SLC25A33: variants seen among roughly 807,000 people sequenced by gnomAD.
The protein encoded by SLC25A33 is solute carrier family 25 member 33.
Under a neutral mutation model 35.5 loss-of-function variants are expected in SLC25A33, and 15 were observed. The observed-to-expected ratio is 0.42, with a 90% CI of 0.28 to 0.65. The LOEUF is 0.65. Among genes scored for constraint, SLC25A33 ranks in the 30% least tolerant of loss-of-function variants. SLC25A33 has a pLI of 0.20. For missense variants in SLC25A33, 257 were observed against 398.5 expected (o/e 0.64, Z 3.02); for synonymous variants, 136 against 148.7 (o/e 0.91, Z 0.62).
chr1:9,548,268 A>G (rs1331134671), intron 1 of SLC25A33, among the ~76,000 whole-genome samples: 1 of 152,216 alleles, frequency 6.6e-6, no homozygotes, highest in Non-Finnish European at 1.5e-5. Flanking sequence ...TATACAGACT[A>G]TAAGACCTAT....
chr1:9,560,423 G>A (rs1430104039), intron 2 of SLC25A33, among the ~76,000 whole-genome samples: 1 of 151,374 alleles, frequency 6.6e-6, no homozygotes, highest in Non-Finnish European at 1.5e-5. Context: ...AATTAGCCAG[G>A]TGTGGCGGTG....
chr1:9,540,600 C>T (rs1643065274), intron 1 of SLC25A33, among the ~76,000 whole-genome samples: 1 of 151,976 alleles, frequency 6.6e-6, no homozygotes, highest in Non-Finnish European at 1.5e-5. Context: ...TTATCACAGC[C>T]GGTGGCTTGG....
intron 1 of SLC25A33, among the ~76,000 whole-genome samples, chr1:9,548,293 T>A (rs1465133490): frequency 6.6e-6 from 1 of 152,150 alleles, no homozygotes; most frequent in Admixed American, 6.6e-5. Flanking sequence ...AAAATAGAAA[T>A]TAAATGGGCT....
intron 1 of SLC25A33, 59 bp downstream of exon 1, chr1:9,539,806 C>T (rs1569833334): frequency 3.1e-6 from 4 of 1,273,420 alleles, no homozygotes; most frequent in East Asian, 3.3e-5. Flanking sequence ...CGGCCTTCGC[C>T]CCGGGCGCGG....
intron 2 of SLC25A33, among the ~76,000 whole-genome samples, chr1:9,564,765 T>TATATATATATATATATATACACAC (rs59741987): frequency 8.7e-6 from 1 of 114,842 alleles, no homozygotes; most frequent in South Asian, 3.1e-4. Flanking sequence ...TATATATATA[T>TATATATATATATATATATACACAC]ACACAAAAAT....
At chr1:9,562,248 T>A (rs922367438) in intron 2 of SLC25A33, among the ~76,000 whole-genome samples, 2 of 148,190 alleles carry the variant, frequency 1.3e-5, no homozygotes, top group African/African-American at 5.0e-5. Context: ...TCCAGGAGGC[T>A]GAGGAAGGAG....
intron 5 of SLC25A33, among the ~76,000 whole-genome samples, chr1:9,579,240 G>C (rs910281018): frequency 1.3e-5 from 2 of 152,156 alleles, no homozygotes; most frequent in Non-Finnish European, 2.9e-5. Flanking sequence ...CACCAGCTGG[G>C]TGTCCTCTCA....
rs569184884 is a variant in SLC25A33, at chr1:9,583,217, C to CAAAAAAA, written c.*723_*729dup. The CAAAAAAA allele has an allele frequency of 4.2e-5, 6 of 141,956 alleles. No individual in the cohort carries two copies. The highest frequency in any genetic ancestry group is 1.5e-4 in the African/African-American group (6 of 38,744). 8.8% of individuals were successfully genotyped at this position (141,956 alleles called of 1,614,324 possible). Reference sequence around the variant, plus strand: ...TGGTCGACAGAGTGAGACTCCATCTCAAAAAAAAAAAAATTGTGTCACATT... The same window carrying CAAAAAAA: ...TGGTCGACAGAGTGAGACTCCATCTCAAAAAAAAAAAAAAAAAAAATTGTGTCACATT... On this transcript the variant is annotated 3_prime_UTR_variant, in exon 7 of 7. Transcript: ENST00000302692.
intron 4 of SLC25A33, among the ~76,000 whole-genome samples, chr1:9,572,963 A>G (rs1643611975): frequency 6.6e-6 from 1 of 152,172 alleles, no homozygotes; most frequent in South Asian, 2.1e-4. Context: ...AATGGTTATC[A>G]TATAACCAAA....
At chr1:9,560,502 T>C (rs1317455762) in intron 2 of SLC25A33, among the ~76,000 whole-genome samples, 1 of 152,010 alleles carries the variant, frequency 6.6e-6, no homozygotes, top group East Asian at 1.9e-4. Flanking sequence ...AGGCGGAGGT[T>C]GCAGTGAGCC....
At chr1:9,551,267 G>C (rs1331208459) in intron 1 of SLC25A33, among the ~76,000 whole-genome samples, 1 of 152,078 alleles carries the variant, frequency 6.6e-6, no homozygotes, top group East Asian at 1.9e-4. Context: ...CAACTACTCA[G>C]GAGGCTGAGG....
At chr1:9,573,965 T>G (rs1643626162) in intron 5 of SLC25A33, among the ~76,000 whole-genome samples, 1 of 152,112 alleles carries the variant, frequency 6.6e-6, no homozygotes, top group South Asian at 2.1e-4. Flanking sequence ...TTTTGAGTTT[T>G]TTTGTTTTTT....
Position 9,567,374 on chromosome 1 carries a change from C to G in SLC25A33, c.314+13C>G. 6.2e-7 allele frequency: 1 copy of G among 1,612,152 alleles called. No homozygotes were observed. Among genetic ancestry groups the G allele is most frequent in the Non-Finnish European group, 8.5e-7 (1 of 1,178,866 alleles). ...TTGCACCATCAAGGTAAGCATTAAA[C>G]TTTCCAGCTAGCTCATGCTAAGCAG... On this transcript the variant is annotated intron_variant, in intron 3 of 6. Coordinates refer to ENST00000302692, the MANE Select transcript of SLC25A33 (RefSeq NM_032315.3).
chr1:9,583,719 T>TA lies in SLC25A33; in HGVS notation c.*1232dup, dbSNP rs113218549. ...TTGTTTAAATATCCTAGTTCAACATTAAAAAAAAAAAAAATTTAATCCCAG... is the reference window on the plus strand; with the variant it reads ...TTGTTTAAATATCCTAGTTCAACATTAAAAAAAAAAAAAAATTTAATCCCAG... On this transcript the variant is annotated 3_prime_UTR_variant, in exon 7 of 7. Coordinates refer to ENST00000302692, the MANE Select transcript of SLC25A33 (RefSeq NM_032315.3). 233 of 143,130 alleles carry TA rather than the reference T, an allele frequency of 1.6e-3. No individual in the cohort carries two copies. The highest frequency in any genetic ancestry group is 4.6e-3 in the South Asian group (21 of 4,544). The allele number at this position is 143,130 out of a possible 1,614,324, so 8.9% of individuals were successfully genotyped here. A position where few individuals can be genotyped will look rare whatever the true frequency, so the allele number is the denominator to read the frequency against.
At position 9,579,976 on chromosome 1, in the gene SLC25A33, A is replaced by C; in HGVS notation, c.505A>C (p.Asn169His). ...CAGAGTGAGGGGCTCTAAGCAGATG[A>C]ATACACTCCAGTGTGCTCGTTACGT... ...EQKVRGSKQM[N>H]TLQCARYVYQ... Residue 169 changes from asparagine (N) to histidine (H), a missense_variant, in exon 6 of 7, where the codon AAT becomes CAT. Transcript: ENST00000302692. The C allele has an allele frequency of 6.2e-7, 1 of 1,613,568 alleles. No individual in the cohort carries two copies. Among genetic ancestry groups the C allele is most frequent in the Non-Finnish European group, 8.5e-7 (1 of 1,179,746 alleles).
chr1:9,562,048 T>TAAA (rs1643430569), intron 2 of SLC25A33, among the ~76,000 whole-genome samples: 2 of 84,840 alleles, frequency 2.4e-5, no homozygotes, highest in African/African-American at 1.1e-4. Flanking sequence ...AGACTCCGTC[T>TAAA]CAAAAAAAAA....
intron 4 of SLC25A33, 79 bp from the exon 5 acceptor site, chr1:9,573,267 T>C (rs1424001854): frequency 2.1e-5 from 22 of 1,053,678 alleles, no homozygotes; most frequent in Non-Finnish European, 2.3e-5. Context: ...TATTTCAAAG[T>C]TTATTATATG....
intron 2 of SLC25A33, among the ~76,000 whole-genome samples, chr1:9,561,662 G>A (rs1041883926): frequency 1.6e-4 from 25 of 152,158 alleles, no homozygotes; most frequent in African/African-American, 5.8e-4. Flanking sequence ...TAACAGGCCT[G>A]AGTCACTTGA....
chr1:9,582,333 C>G lies in SLC25A33; in HGVS notation c.798C>G (p.Thr266=). The G allele has an allele frequency of 6.2e-7, 1 of 1,613,972 alleles. No individual in the cohort carries two copies. The highest frequency in any genetic ancestry group is 1.1e-5 in the South Asian group (1 of 91,072). Residue 266 remains threonine, a synonymous_variant, in exon 7 of 7, where the codon ACC becomes ACG. Coordinates refer to ENST00000302692, the MANE Select transcript of SLC25A33 (RefSeq NM_032315.3). This position sits in a 1 kb window ranked among gnomAD's most constrained non-coding sequence, Gnocchi z 4.0. ...VIRTRLREEG[T]KYKSFVQTAR... Reference sequence around the variant, plus strand: ...GGACGAGGCTCCGGGAAGAGGGCACCAAGTACAAGTCTTTTGTCCAGACGG... The same window carrying G: ...GGACGAGGCTCCGGGAAGAGGGCACGAAGTACAAGTCTTTTGTCCAGACGG...
Sources: gnomAD v4.1 joint callset for allele counts (sites outside exome capture counted in the v4.1 genomes callset) on GRCh38, gnomAD v4.1.1 for gene constraint, Gnocchi (gnomAD v3.1) non-coding constraint, MANE v1.5 for transcripts, NCBI Gene and HGNC (gene_info 2026-07-23, HGNC 2026-07-21) for gene names.